The following MARCHF1 variants were observed in gnomAD, a reference collection of about 807,000 sequenced individuals.
MARCHF1 encodes the protein E3 ubiquitin-protein ligase MARCHF1.
A neutral mutation model predicts 54.2 loss-of-function variants in MARCHF1; 40 were observed. That is an observed-to-expected ratio of 0.74 (90% confidence interval 0.57 to 0.96). MARCHF1 has a LOEUF of 0.96. MARCHF1 is among the 40% of genes least tolerant of loss of function. MARCHF1 has a pLI of 0.00. For synonymous variants in MARCHF1, 236 were observed against 236.3 expected, an observed-to-expected ratio of 1.00 and a Z score of 0.01; for missense variants, 586 against 656.5, an observed-to-expected ratio of 0.89 and a Z score of 1.17.
intron 1 of MARCHF1, among the ~76,000 whole-genome samples, chr4:164,294,084 A>C (rs1371829452): frequency 6.6e-6 from 1 of 152,060 alleles, no homozygotes; most frequent in Admixed American, 6.6e-5. Context: ...TATACTTCCT[A>C]CCCTCGACAT....
intron 3 of MARCHF1, among the ~76,000 whole-genome samples, chr4:163,860,964 GAT>G (rs1229027430): frequency 6.6e-6 from 1 of 151,986 alleles, no homozygotes; most frequent in African/African-American, 2.4e-5. Context: ...ACAGTGAAGA[GAT>G]ATAAAAAAAG....
chr4:163,566,757 T>C (rs1027074772), intron 8 of MARCHF1, among the ~76,000 whole-genome samples: 1 of 152,136 alleles, frequency 6.6e-6, no homozygotes, highest in Admixed American at 6.5e-5. Flanking sequence ...TGAACACACA[T>C]AGCATCAACA....
chr4:164,165,934 C>T (rs1260794876), intron 1 of MARCHF1, among the ~76,000 whole-genome samples: 1 of 151,886 alleles, frequency 6.6e-6, no homozygotes. Flanking sequence ...AGTGAAATGC[C>T]ATTTCAGTTG....
chr4:164,368,449 A>G (rs1167060193), intron 1 of MARCHF1, among the ~76,000 whole-genome samples: 2 of 152,116 alleles, frequency 1.3e-5, no homozygotes, highest in African/African-American at 4.8e-5. Flanking sequence ...GTTTTGCTGA[A>G]CATTCAAGAA....
chr4:163,866,481 T>TATATATATATATATATATATATAA (rs1167768240), intron 3 of MARCHF1, among the ~76,000 whole-genome samples: 3 of 145,474 alleles, frequency 2.1e-5, no homozygotes, highest in East Asian at 2.0e-4. Flanking sequence ...TATATATATA[T>TATATATATATATATATATATATAA]AATAGGACTG....
At chr4:164,365,531 G>A (rs1054313085) in intron 1 of MARCHF1, among the ~76,000 whole-genome samples, 1 of 151,936 alleles carries the variant, frequency 6.6e-6, no homozygotes, top group African/African-American at 2.4e-5. Context: ...AGATGTAAAG[G>A]AAAATAAATG....
At chr4:164,251,446 G>C (rs1016741321) in intron 1 of MARCHF1, among the ~76,000 whole-genome samples, 1 of 152,082 alleles carries the variant, frequency 6.6e-6, no homozygotes, top group African/African-American at 2.4e-5. Flanking sequence ...CTTCTTTGGC[G>C]CTTCTAGTCA....
intron 5 of MARCHF1, among the ~76,000 whole-genome samples, chr4:163,664,852 G>T (rs1420043726): frequency 1.3e-5 from 2 of 151,574 alleles, no homozygotes; most frequent in Non-Finnish European, 2.9e-5. Context: ...GTATACATAG[G>T]GCTTAGGGCC....
chr4:164,165,479 C>G (rs529287084), intron 1 of MARCHF1, among the ~76,000 whole-genome samples: 1 of 151,906 alleles, frequency 6.6e-6, no homozygotes, highest in South Asian at 2.1e-4. Context: ...CCAAGCCGTG[C>G]TGGCACCTTG....
chr4:164,325,723 C>T (rs1050498299), intron 1 of MARCHF1, among the ~76,000 whole-genome samples: 19 of 151,332 alleles, frequency 1.3e-4, no homozygotes, highest in African/African-American at 4.6e-4. Context: ...GCGAGACTCA[C>T]TCTCAAAAAA....
chr4:163,679,775 G>T (rs1219229344), intron 5 of MARCHF1, among the ~76,000 whole-genome samples: 1 of 151,882 alleles, frequency 6.6e-6, no homozygotes, highest in East Asian at 1.9e-4. Context: ...ACCACGCCCG[G>T]CTAATTTTTT....
chr4:163,949,277 G>A (rs1403305724), intron 3 of MARCHF1, among the ~76,000 whole-genome samples: 1 of 152,208 alleles, frequency 6.6e-6, no homozygotes, highest in Admixed American at 6.5e-5. Context: ...GGCTGCAGAT[G>A]GACCAGGAGC....
chr4:164,101,249 G>A (rs1390064545), intron 2 of MARCHF1, among the ~76,000 whole-genome samples: 1 of 152,108 alleles, frequency 6.6e-6, no homozygotes, highest in Non-Finnish European at 1.5e-5. Flanking sequence ...CTCAAACTGG[G>A]TGGATCCCAC....
intron 5 of MARCHF1, among the ~76,000 whole-genome samples, chr4:163,693,997 C>A (rs1744541786): frequency 6.6e-6 from 1 of 152,128 alleles, no homozygotes; most frequent in Admixed American, 6.6e-5. Context: ...CTTAGACTAA[C>A]AGAAGTGATC....
intron 2 of MARCHF1, among the ~76,000 whole-genome samples, chr4:164,026,231 C>T (rs1269257591): frequency 1.3e-5 from 2 of 151,978 alleles, no homozygotes; most frequent in African/African-American, 2.4e-5. Flanking sequence ...CCTAACTCAC[C>T]CTATGATGCC....
chr4:164,194,657 T>C (rs1731206168), intron 1 of MARCHF1, among the ~76,000 whole-genome samples: 1 of 152,212 alleles, frequency 6.6e-6, no homozygotes, highest in African/African-American at 2.4e-5. Flanking sequence ...GGTCAAGTTC[T>C]ATGACGCATT....
chr4:164,081,207 C>CAAAAAAAAAAAAAAAAAAA (rs60753810), intron 2 of MARCHF1, among the ~76,000 whole-genome samples: 2 of 18,406 alleles, frequency 1.1e-4, no homozygotes, highest in African/African-American at 1.8e-4. Context: ...GACGCTGTCT[C>CAAAAAAAAAAAAAAAAAAA]AAAAAAAAAA....
intron 8 of MARCHF1, among the ~76,000 whole-genome samples, chr4:163,580,576 G>T (rs1286639306): frequency 6.6e-6 from 1 of 152,200 alleles, no homozygotes; most frequent in Non-Finnish European, 1.5e-5. Flanking sequence ...GTAGAAAGCA[G>T]AATGGAGATA....
chr4:164,017,107 A>T (rs1294096662), intron 2 of MARCHF1, among the ~76,000 whole-genome samples: 1 of 152,080 alleles, frequency 6.6e-6, no homozygotes, highest in Non-Finnish European at 1.5e-5. Flanking sequence ...AACAATTTCA[A>T]AAATTAATGT....
Sources: gnomAD v4.1 joint callset for allele counts (sites outside exome capture counted in the v4.1 genomes callset) on GRCh38, gnomAD v4.1.1 for gene constraint, MANE v1.5 for transcripts, NCBI Gene and HGNC (gene_info 2026-07-23, HGNC 2026-07-21) for gene names.